Variants in NADK observed in about 807,000 individuals in gnomAD.
NADK encodes NAD kinase, also known as poly(P)/ATP NAD kinase.
A neutral mutation model predicts 49.8 loss-of-function variants in NADK; 22 were observed. The observed-to-expected ratio is 0.44, with a 90% CI of 0.32 to 0.63. The LOEUF is 0.63. Among genes scored for constraint, NADK ranks in the 30% least tolerant of loss-of-function variants. NADK has a pLI of 0.06. For synonymous variants in NADK, 268 were observed against 253.7 expected (o/e 1.06, Z -0.54); for missense variants, 438 against 609.4 (o/e 0.72, Z 2.96).
chr1:1,757,108 G>A, intron 4 of NADK, 73 bp downstream of exon 4: 3 of 1,542,858 alleles, frequency 1.9e-6, no homozygotes, highest in Non-Finnish European at 2.6e-6. Flanking sequence ...TGGTCTCACG[G>A]GGCGGTGATG....
In NADK at chr1:1,753,633, T is replaced by C. The variant is rs200161241; in HGVS notation, c.1118A>G (p.Glu373Gly). Residue 373 changes from glutamate to glycine, a missense_variant, in exon 11 of 12, where the codon GAA becomes GGA. Transcript: ENST00000341426. ...GGACACCCATGCTGTGTTCCTTGCT[T>C]CAGGTGACAGCATGATCTGAGGGTC... ...GVELKIMLSP[E>G]ARNTAWVSFD... 1 of 1,611,018 alleles carries C rather than the reference T, an allele frequency of 6.2e-7. No homozygotes were observed. The highest frequency in any genetic ancestry group is 8.5e-7 in the Non-Finnish European group (1 of 1,178,382).
intron 5 of NADK, 71 bp from the exon 6 acceptor site, chr1:1,756,414 A>T (rs1645524298): frequency 2.5e-6 from 4 of 1,608,340 alleles, no homozygotes; most frequent in Non-Finnish European, 3.4e-6. Context: ...GTGCGCAGAC[A>T]CCAATGACAA....
chr1:1,765,332 G>C lies in NADK; in HGVS notation c.75C>G (p.Ala25=). Residue 25 remains alanine (A), a synonymous_variant, in exon 2 of 12, where the codon GCC becomes GCG. Coordinates refer to ENST00000341426, the MANE Select transcript of NADK (RefSeq NM_023018.5). ...SPDAAAYCCS[A]CHGDETWSYN... ...AACTCCAGGTCTCATCGCCGTGGCA[G>C]GCCGAGCAGCAGTAAGCAGCCGCGT... 1 of 1,613,712 alleles carries C rather than the reference G, an allele frequency of 6.2e-7. No homozygotes were observed. Among genetic ancestry groups the C allele is most frequent in the South Asian group, 1.1e-5 (1 of 91,048 alleles).
chr1:1,754,123 G>C lies in NADK; in HGVS notation c.1029C>G (p.Ile343Met). Residue 343 changes from isoleucine to methionine, a missense_variant, in exon 10 of 12, where the codon ATC becomes ATG. Ile to Met is a conservative substitution (Grantham distance 10). Coordinates refer to ENST00000341426, the MANE Select transcript of NADK (RefSeq NM_023018.5). The surrounding 1 kb of genome is among the most constrained non-coding windows in gnomAD (Gnocchi z 4.3). ...ASMIHPNVPA[I>M]MITPICPHSL... ...AGTGGGGGCAGATGGGCGTGATCAT[G>C]ATGGCCGGCACGTTGGGGTGGATCA... 6.2e-7 allele frequency: 1 copy of C among 1,611,080 alleles called. No homozygotes were observed. Among genetic ancestry groups the C allele is most frequent in the Non-Finnish European group, 8.5e-7 (1 of 1,178,942 alleles).
chr1:1,762,474 G>C (rs1645754691), intron 2 of NADK, among the ~76,000 whole-genome samples: 1 of 152,190 alleles, frequency 6.6e-6, no homozygotes, highest in South Asian at 2.1e-4. Flanking sequence ...AAAAGACGTA[G>C]GCCGGGCGCA....
At chr1:1,778,521 C>T (rs1418815811), upstream of NADK, 1 of 150,278 alleles carries the variant, frequency 6.7e-6, no homozygotes, top group Non-Finnish European at 1.5e-5. This position sits in a 1 kb window ranked among gnomAD's most constrained non-coding sequence, Gnocchi z 4.9. Context: ...TGGGGCGTCC[C>T]GCGCGTCTGC....
chr1:1,774,895 C>G (rs1646166839), intron 1 of NADK, among the ~76,000 whole-genome samples: 1 of 152,068 alleles, frequency 6.6e-6, no homozygotes, highest in Non-Finnish European at 1.5e-5. Flanking sequence ...ATCACGACAT[C>G]AGGAGTTCAA....
intron 1 of NADK, among the ~76,000 whole-genome samples, chr1:1,766,376 A>T (rs1442339556): frequency 8.1e-6 from 1 of 124,156 alleles, no homozygotes; most frequent in East Asian, 2.8e-4. Flanking sequence ...ACTGCACTCC[A>T]GCCTGGGCAA....
rs1645545120 is a variant in NADK, at chr1:1,756,962, G to A, written c.393+219C>T. ...GACTTCCCGGCCTCCAGGGCCACGA[G>A]CCCACCAGCTCATTGTTGGTCACCC... On this transcript the variant is annotated intron_variant, in intron 4 of 11. Coordinates refer to ENST00000341426, the MANE Select transcript of NADK (RefSeq NM_023018.5). 7.0e-6 allele frequency: 6 copies of A among 858,586 alleles called. No homozygotes were observed. The Admixed American group carries it at 7.6e-5, about 11-fold the overall frequency. The allele number at this position is 858,586 out of a possible 1,614,324, so 53.2% of individuals were successfully genotyped here.
chr1:1,773,143 A>AT (rs959588659), intron 1 of NADK, among the ~76,000 whole-genome samples: 7 of 147,796 alleles, frequency 4.7e-5, no homozygotes, highest in Admixed American at 6.7e-5. Flanking sequence ...GTCTATGATT[A>AT]TTTTTTTTTT....
At position 1,768,414 on chromosome 1, in the gene NADK, G is replaced by A. The variant is rs553195986; in HGVS notation, c.-40-2968C>T. 5.1e-4 allele frequency among the ~76,000 whole-genome samples: 77 copies of A among 152,242 alleles called. No individual in the cohort carries two copies. In the South Asian group the frequency reaches 0.015, roughly 30 times the overall value. On this transcript the variant is annotated intron_variant, in intron 1 of 11. Transcript: ENST00000341426. ...AACAAAACCAAAACAAAAACAGTTG[G>A]ACACAGTGGTGCATGCCTGCAGTCC...
intron 1 of NADK, among the ~76,000 whole-genome samples, chr1:1,775,734 C>T (rs754691603): frequency 5.9e-5 from 9 of 152,320 alleles, no homozygotes; most frequent in Middle Eastern, 3.4e-3. Context: ...GCCTCAATTT[C>T]GCTTTTTCTC....
intron 1 of NADK, among the ~76,000 whole-genome samples, chr1:1,767,265 A>C (rs1645917066): frequency 6.6e-6 from 1 of 152,224 alleles, no homozygotes; most frequent in African/African-American, 2.4e-5. Flanking sequence ...GAAGAGATAG[A>C]AACAAAGAAA....
intron 1 of NADK, among the ~76,000 whole-genome samples, chr1:1,770,390 G>A (rs539750232): frequency 6.6e-6 from 1 of 152,276 alleles, no homozygotes; most frequent in Admixed American, 6.5e-5. Context: ...AGGAACAAGT[G>A]AAGTTGTACT....
chr1:1,759,428 C>G (rs1283679078), intron 3 of NADK, among the ~76,000 whole-genome samples: 2 of 152,230 alleles, frequency 1.3e-5, no homozygotes, highest in South Asian at 2.1e-4. Context: ...CTGAGACTGT[C>G]TCACACATGG....
chr1:1,756,763 C>T (rs1645537193), intron 4 of NADK, 155 bp from the exon 5 acceptor site: 1 of 1,240,920 alleles, frequency 8.1e-7, no homozygotes. Flanking sequence ...ACCAACGCGC[C>T]AGGAGGAAGC....
intron 3 of NADK, among the ~76,000 whole-genome samples, chr1:1,760,433 C>T (rs1230107306): frequency 6.6e-6 from 1 of 152,222 alleles, no homozygotes; most frequent in Non-Finnish European, 1.5e-5. Context: ...TCCCCCGTGG[C>T]TCCTGGGACC....
rs765421829 is a variant in NADK at position 1,755,397 on chromosome 1, G to C, written c.665C>G (p.Ser222Cys). The C allele has an allele frequency of 5.0e-6, 8 of 1,613,756 alleles. No homozygotes were observed. Among genetic ancestry groups the C allele is most frequent in the Non-Finnish European group, 6.8e-6 (8 of 1,179,816 alleles). Residue 222 changes from serine (S) to cysteine (C), a missense_variant, in exon 7 of 12, where the codon TCC (serine) becomes TGC (cysteine). By Grantham distance (112) the Ser-to-Cys change is moderately radical. Transcript: ENST00000341426. ...LTPFSFENFQ[S>C]QVTQVIEGNA... ...ACCCTCTATCACCTGAGTAACTTGG[G>C]ACTGAAAGTTCTCAAAGCTGAATGG...
chr1:1,777,574 C>G (rs759075790), intron 1 of NADK, among the ~76,000 whole-genome samples: 1 of 133,774 alleles, frequency 7.5e-6, no homozygotes, highest in East Asian at 2.4e-4. Context: ...ACTTGTTACT[C>G]GGAATCGAAG....
Sources: allele counts gnomAD v4.1 joint callset (sites outside exome capture counted in the v4.1 genomes callset), GRCh38; gene constraint gnomAD v4.1.1; non-coding constraint Gnocchi (gnomAD v3.1); transcripts MANE v1.5; gene names NCBI Gene and HGNC (gene_info 2026-07-23, HGNC 2026-07-21).